Variants in LRP1B observed in about 807,000 individuals in gnomAD.
LRP1B encodes low-density lipoprotein receptor-related protein 1B.
Under a neutral mutation model 556.6 loss-of-function variants are expected in LRP1B, and 217 were observed. That is an observed-to-expected ratio of 0.39 (90% CI 0.35 to 0.44). LRP1B has a LOEUF of 0.44. LRP1B is among the 20% of genes least tolerant of loss of function. The pLI is 1.00. For missense variants in LRP1B, 5,053 were observed against 5,620.8 expected (o/e 0.90, Z 3.23); for synonymous variants, 2,047 against 1,865.8 (o/e 1.10, Z -2.50).
intron 2 of LRP1B, among the ~76,000 whole-genome samples, chr2:141,795,420 T>C (rs796245093): frequency 7.2e-5 from 11 of 152,200 alleles, no homozygotes; most frequent in African/African-American, 2.6e-4. Context: ...ACAGCAGCCC[T>C]TGAGGGAAGA....
At chr2:140,572,540 A>G (rs562992800) in intron 43 of LRP1B, among the ~76,000 whole-genome samples, 1 of 151,786 alleles carries the variant, frequency 6.6e-6, no homozygotes, top group Non-Finnish European at 1.5e-5. Context: ...GTGGGAACAT[A>G]AAACAGCCAT....
chr2:142,034,892 T>C (rs934910515), intron 1 of LRP1B, among the ~76,000 whole-genome samples: 10 of 151,770 alleles, frequency 6.6e-5, no homozygotes, highest in African/African-American at 2.4e-4. Context: ...CAGATTTCTA[T>C]TTAAAATACA....
chr2:141,337,189 T>C (rs1225828935), intron 3 of LRP1B, among the ~76,000 whole-genome samples: 2 of 152,214 alleles, frequency 1.3e-5, no homozygotes, highest in Admixed American at 6.5e-5. Context: ...GCTCTGCATC[T>C]TTTCCACCAT....
intron 3 of LRP1B, among the ~76,000 whole-genome samples, chr2:141,395,302 T>A (rs1485852973): frequency 6.6e-6 from 1 of 152,142 alleles, no homozygotes; most frequent in African/African-American, 2.4e-5. Flanking sequence ...ACCATTTTTT[T>A]ATCTGTTATA....
chr2:140,619,029 C>T (rs1175054470), intron 41 of LRP1B, among the ~76,000 whole-genome samples: 1 of 151,526 alleles, frequency 6.6e-6, no homozygotes, highest in Non-Finnish European at 1.5e-5. Context: ...ACGTGACAAA[C>T]ATTTATTGAT....
intron 60 of LRP1B, among the ~76,000 whole-genome samples, chr2:140,473,184 A>C (rs1687838772): frequency 6.6e-6 from 1 of 152,002 alleles, no homozygotes; most frequent in African/African-American, 2.4e-5. Context: ...GTACCTCATT[A>C]GTAACTACCA....
At chr2:140,657,337 AGAG>A (rs1161837349) in intron 41 of LRP1B, among the ~76,000 whole-genome samples, 1 of 151,966 alleles carries the variant, frequency 6.6e-6, no homozygotes, top group East Asian at 1.9e-4. Context: ...TATTGAGAAA[AGAG>A]AAAGAGAGGC....
chr2:140,711,835 T>C (rs1372251), intron 37 of LRP1B, among the ~76,000 whole-genome samples: 151,453 of 152,276 alleles, frequency 0.99, 75,324 homozygotes, highest in East Asian at 1. Context: ...CATTCTATCT[T>C]TTCTTTCACT....
intron 23 of LRP1B, among the ~76,000 whole-genome samples, chr2:140,894,714 C>T (rs571829337): frequency 2.0e-5 from 3 of 152,016 alleles, no homozygotes; most frequent in African/African-American, 4.8e-5. Flanking sequence ...TTTGGGAAGC[C>T]GAGACAGGAG....
intron 43 of LRP1B, among the ~76,000 whole-genome samples, chr2:140,561,877 T>TA (rs1353118514): frequency 3.3e-5 from 5 of 151,940 alleles, no homozygotes; most frequent in Non-Finnish European, 4.4e-5. Context: ...TAACACTATA[T>TA]AAAAAATAAT....
chr2:141,520,737 T>C (rs1018581033), intron 2 of LRP1B, among the ~76,000 whole-genome samples: 1 of 152,138 alleles, frequency 6.6e-6, no homozygotes, highest in Non-Finnish European at 1.5e-5. Flanking sequence ...CAAAAAAAAG[T>C]GGAAGTATCT....
intron 2 of LRP1B, among the ~76,000 whole-genome samples, chr2:141,579,500 A>G (rs1048356438): frequency 1.3e-5 from 2 of 152,170 alleles, no homozygotes; most frequent in Non-Finnish European, 2.9e-5. Context: ...AGTCAGAGAC[A>G]AGGACATTAT....
At chr2:140,372,052 T>C (rs1240728311) in intron 69 of LRP1B, among the ~76,000 whole-genome samples, 1 of 152,076 alleles carries the variant, frequency 6.6e-6, no homozygotes, top group Non-Finnish European at 1.5e-5. Context: ...TGCCTTTTTC[T>C]ATGAGCTTGA....
rs554474059 is a variant in LRP1B, at chr2:140,882,796, G to A, written c.4169+1021C>T. ...TCGCCTGGCTTTTCTCTCTTATCTC[G>A]TTGAACTCCCTTTTGGCTCACTCCC... On this transcript the variant is annotated intron_variant, in intron 25 of 90. Transcript: ENST00000389484. Among the ~76,000 whole-genome samples, 6 of 152,230 alleles carry A rather than the reference G, an allele frequency of 3.9e-5. No individual in the cohort carries two copies. In the South Asian group the frequency reaches 1.0e-3, roughly 26 times the overall value.
chr2:140,341,574 A>G (rs603956), intron 77 of LRP1B, among the ~76,000 whole-genome samples: 72,681 of 151,118 alleles, frequency 0.48, 17,918 homozygotes, highest in Non-Finnish European at 0.53. Context: ...TTGGTTAATT[A>G]GCAAAATTAA....
At chr2:141,723,603 C>T (rs72846598) in intron 2 of LRP1B, among the ~76,000 whole-genome samples, 17,385 of 151,538 alleles carry the variant, frequency 0.11, 1,435 homozygotes, top group Non-Finnish European at 0.17. Context: ...GTATATGTTG[C>T]TATCTTTTAT....
chr2:142,092,340 A>AT (rs11375211), intron 1 of LRP1B, among the ~76,000 whole-genome samples: 95,161 of 151,818 alleles, frequency 0.63, 29,946 homozygotes, highest in East Asian at 0.72. Flanking sequence ...TAGTTTTTGG[A>AT]TTTTTTTGGC....
intron 42 of LRP1B, among the ~76,000 whole-genome samples, chr2:140,600,379 C>G (rs1558995896): frequency 6.6e-6 from 1 of 152,198 alleles, no homozygotes; most frequent in East Asian, 1.9e-4. Flanking sequence ...TAAGAATTTT[C>G]ACATATAAGA....
intron 75 of LRP1B, among the ~76,000 whole-genome samples, chr2:140,355,977 CCA>C (rs998261495): frequency 1.3e-5 from 2 of 151,854 alleles, no homozygotes; most frequent in African/African-American, 4.8e-5. Context: ...ATTGCAAATT[CCA>C]CACTCAAGAG....
Sources: gnomAD v4.1 joint callset for allele counts (sites outside exome capture counted in the v4.1 genomes callset) on GRCh38, gnomAD v4.1.1 for gene constraint, MANE v1.5 for transcripts, NCBI Gene and HGNC (gene_info 2026-07-23, HGNC 2026-07-21) for gene names.